Variants in SUFU observed in about 807,000 individuals in gnomAD.
The protein encoded by SUFU is suppressor of fused homolog.
In SUFU, 7 loss-of-function variants were observed where a neutral mutation model predicts 58.9. The observed-to-expected ratio is 0.12, with a 90% CI of 0.07 to 0.22. SUFU has a LOEUF of 0.22. Ranked by LOEUF, SUFU falls within the 10% of genes least tolerant of loss-of-function variation. The probability of loss-of-function intolerance (pLI) is 1.00; values close to 1 mark genes in which losing one functional copy is unlikely to be tolerated. For missense variants in SUFU, 451 were observed against 641.3 expected (o/e 0.70, Z 3.20); for synonymous variants, 232 against 254.8 (o/e 0.91, Z 0.85).
intron 2 of SUFU, among the ~76,000 whole-genome samples, chr10:102,513,373 C>G (rs140477817): frequency 3.3e-5 from 5 of 152,228 alleles, no homozygotes; most frequent in Non-Finnish European, 5.9e-5. Flanking sequence ...TGTGTCTTCT[C>G]TTCAGCAAAA....
chr10:102,614,273 G>C (rs1469485236), intron 8 of SUFU, among the ~76,000 whole-genome samples: 1 of 152,118 alleles, frequency 6.6e-6, no homozygotes, highest in African/African-American at 2.4e-5. Flanking sequence ...TAGAATGTTG[G>C]GGCCAGGCAC....
chr10:102,534,644 G>A (rs1003601927), intron 2 of SUFU, among the ~76,000 whole-genome samples: 12 of 152,322 alleles, frequency 7.9e-5, no homozygotes, highest in Non-Finnish European at 1.2e-4. Context: ...ATGGGGCTTG[G>A]GCCAGCACTG....
chr10:102,624,991 C>CCA (rs1017793874), intron 10 of SUFU, among the ~76,000 whole-genome samples: 3 of 152,172 alleles, frequency 2.0e-5, no homozygotes, highest in Non-Finnish European at 4.4e-5. Context: ...AGACTGGAGC[C>CCA]ATTGTAATAT....
chr10:102,564,442 C>T (rs945847603), intron 3 of SUFU, among the ~76,000 whole-genome samples: 2 of 152,146 alleles, frequency 1.3e-5, no homozygotes, highest in African/African-American at 4.8e-5. Context: ...ATACTGTTCT[C>T]ATGCCTCAGA....
chr10:102,580,391 C>G (rs1378883454), intron 3 of SUFU, among the ~76,000 whole-genome samples: 1 of 152,098 alleles, frequency 6.6e-6, no homozygotes, highest in Admixed American at 6.6e-5. Flanking sequence ...TGTCCCAGTT[C>G]CTAGTGTGGG....
intron 8 of SUFU, among the ~76,000 whole-genome samples, chr10:102,607,423 G>A (rs1446426154): frequency 6.6e-6 from 1 of 152,176 alleles, no homozygotes; most frequent in Non-Finnish European, 1.5e-5. Context: ...AAGGAAAATA[G>A]AAAATTATGA....
chr10:102,590,047 T>C (rs926091725), intron 3 of SUFU, among the ~76,000 whole-genome samples: 1 of 152,116 alleles, frequency 6.6e-6, no homozygotes, highest in Non-Finnish European at 1.5e-5. Flanking sequence ...TTATAATCTG[T>C]ATTACATTGA....
At position 102,516,127 on chromosome 10, in the gene SUFU, T is replaced by TTTC. The variant is rs1478965341; in HGVS notation, c.317+6826_317+6827insCTT. Among the ~76,000 whole-genome samples the TTTC allele has an allele frequency of 1.4e-3, 86 of 61,576 alleles. 1 individual carries two copies. The highest frequency in any genetic ancestry group is 1.8e-3 in the Non-Finnish European group (52 of 29,052). 40.4% of individuals were successfully genotyped at this position (61,576 alleles called of 152,430 possible). A position where few individuals can be genotyped will look rare whatever the true frequency, so the allele number is the denominator to read the frequency against. ...TTTTCTTTTTCTTTCTTTCTTTTCT[T>TTTC]TTTTTTTTTTTTTTTTGAGATAGAG... On this transcript the variant is annotated intron_variant, in intron 2 of 11. Coordinates refer to ENST00000369902, the MANE Select transcript of SUFU (RefSeq NM_016169.4).
At chr10:102,529,310 A>G (rs532242117) in intron 2 of SUFU, among the ~76,000 whole-genome samples, 47 of 152,262 alleles carry the variant, frequency 3.1e-4, no homozygotes, top group African/African-American at 1.1e-3. Flanking sequence ...GTCTGGTTAG[A>G]AGGTTCTGGG....
chr10:102,550,831 T>A (rs1330092862), intron 3 of SUFU, among the ~76,000 whole-genome samples: 1 of 150,668 alleles, frequency 6.6e-6, no homozygotes, highest in Non-Finnish European at 1.5e-5. Flanking sequence ...AACCTATGCC[T>A]CCCAGGTTCA....
chr10:102,553,438 C>T (rs1168802228), intron 3 of SUFU, among the ~76,000 whole-genome samples: 5 of 151,828 alleles, frequency 3.3e-5, no homozygotes, highest in East Asian at 1.9e-4. Flanking sequence ...TGTTCAAGAT[C>T]ACACATCTAG....
Position 102,629,243 on chromosome 10 carries a change from A to G in SUFU, c.1366-823A>G, listed in dbSNP as rs919416810. On this transcript the variant is annotated intron_variant, in intron 11 of 11. Transcript: ENST00000369902. This position sits in a 1 kb window ranked among gnomAD's most constrained non-coding sequence, Gnocchi z 4.7. ...ATTTATTGAGCTCCATCTGTGTGCCAGACTGCATGCAAAGTTCTACAGTAA... is the reference window on the plus strand; with the variant it reads ...ATTTATTGAGCTCCATCTGTGTGCCGGACTGCATGCAAAGTTCTACAGTAA... Among the ~76,000 whole-genome samples the G allele has an allele frequency of 2.0e-5, 3 of 152,236 alleles. No homozygotes were observed. Among genetic ancestry groups the G allele is most frequent in the African/African-American group, 7.2e-5 (3 of 41,466 alleles).
At chr10:102,626,934 C>A (rs1277943251) in intron 10 of SUFU, among the ~76,000 whole-genome samples, 1 of 152,100 alleles carries the variant, frequency 6.6e-6, no homozygotes, top group Non-Finnish European at 1.5e-5. Context: ...TGTCCTCCCT[C>A]CCCTCCCCAT....
chr10:102,619,000 T>C, intron 10 of SUFU: 3 of 1,455,158 alleles, frequency 2.1e-6, no homozygotes, highest in Non-Finnish European at 2.9e-6. Context: ...CACGTTTTCC[T>C]GGGACAGTCG....
chr10:102,504,930 CT>C (rs1373433363), intron 1 of SUFU, among the ~76,000 whole-genome samples: 2 of 152,120 alleles, frequency 1.3e-5, no homozygotes, highest in Non-Finnish European at 2.9e-5. Context: ...CAGGGCAAAG[CT>C]TTTGCTTTTG....
In SUFU at chr10:102,542,225, C is replaced by T. The variant is rs375249823; in HGVS notation, c.318-7745C>T. On this transcript the variant is annotated intron_variant, in intron 2 of 11. Coordinates refer to ENST00000369902, the MANE Select transcript of SUFU (RefSeq NM_016169.4). ...TCGGCTCACTGCCACCTCTGCCTCC[C>T]GGATTCAAGCGATTCTCCTGCCTCA... Among the ~76,000 whole-genome samples, 26 of 150,120 alleles carry T rather than the reference C, an allele frequency of 1.7e-4. No homozygotes were observed. The East Asian group carries it at 3.2e-3, about 18-fold the overall frequency.
rs2135959098 is a variant in SUFU, at chr10:102,629,968, C to T, written c.1366-98C>T. On this transcript the variant is annotated intron_variant, in intron 11 of 11. Transcript: ENST00000369902. This position sits in a 1 kb window ranked among gnomAD's most constrained non-coding sequence, Gnocchi z 4.7. Reference sequence around the variant, plus strand: ...CACGCCTCCCGCGGCCTGTCCTATCCCTAGCTCCCCGGGGACAGGCCTGGG... The same window carrying T: ...CACGCCTCCCGCGGCCTGTCCTATCTCTAGCTCCCCGGGGACAGGCCTGGG... 2 of 1,154,430 alleles carry T rather than the reference C, an allele frequency of 1.7e-6. No homozygotes were observed. Among genetic ancestry groups the T allele is most frequent in the Non-Finnish European group, 2.6e-6 (2 of 760,786 alleles). 71.5% of individuals were successfully genotyped at this position (1,154,430 alleles called of 1,614,324 possible).
At chr10:102,569,093 T>C (rs780858664) in intron 3 of SUFU, among the ~76,000 whole-genome samples, 2 of 151,206 alleles carry the variant, frequency 1.3e-5, no homozygotes, top group African/African-American at 2.4e-5. Context: ...TAAACAACAC[T>C]ATAAGATTGT....
chr10:102,579,842 G>A, intron 3 of SUFU: 1 of 985,354 alleles, frequency 1.0e-6, no homozygotes, highest in Non-Finnish European at 1.2e-6. Context: ...ACTGCATCCA[G>A]AACTTTGAAA....
Sources: allele counts gnomAD v4.1 joint callset (sites outside exome capture counted in the v4.1 genomes callset), GRCh38; gene constraint gnomAD v4.1.1; non-coding constraint Gnocchi (gnomAD v3.1); transcripts MANE v1.5; gene names NCBI Gene and HGNC (gene_info 2026-07-23, HGNC 2026-07-21).